PLSCR1: variants seen among roughly 807,000 people sequenced by gnomAD.
PLSCR1 encodes the protein PL scramblase 1.
A neutral mutation model predicts 37.8 loss-of-function variants in PLSCR1; 17 were observed. The ratio of observed to expected loss-of-function variants is 0.45; its 90% CI spans 0.31 to 0.68. The LOEUF is 0.68. PLSCR1 is among the 30% of genes least tolerant of loss of function. The pLI is 0.06. For missense variants in PLSCR1, 347 were observed against 380.9 expected (o/e 0.91, Z 0.74); for synonymous variants, 116 against 125.9 (o/e 0.92, Z 0.53).
intron 2 of PLSCR1, 148 bp from the exon 3 acceptor site, chr3:146,533,698 G>T (rs772553010): frequency 1.4e-5 from 6 of 433,716 alleles, no homozygotes; most frequent in Non-Finnish European, 2.0e-5. Flanking sequence ...AACGTAAGCT[G>T]TGCCTGTTCT....
intron 1 of PLSCR1, among the ~76,000 whole-genome samples, chr3:146,543,024 A>G (rs2738910): frequency 0.27 from 40,723 of 152,080 alleles, 5,659 homozygotes; most frequent in African/African-American, 0.31. Context: ...AAGAAAAGTC[A>G]GACTAGGAGA....
At chr3:146,544,268 A>T (rs2044375732) in intron 1 of PLSCR1, among the ~76,000 whole-genome samples, 199 bp downstream of exon 1, 1 of 152,112 alleles carries the variant, frequency 6.6e-6, no homozygotes, top group African/African-American at 2.4e-5. Context: ...GGTCCCTTTC[A>T]GAGGCCTCTT....
rs1280380631 is a variant in PLSCR1 at position 146,533,533 on chromosome 3, A to C, written c.31T>G (p.Ser11Ala). 1 of 1,604,956 alleles carries C rather than the reference A, an allele frequency of 6.2e-7. No homozygotes were observed. ...ACTGGCAAGTTTGTTTCCGGGTGAG[A>C]AGCATTCATCTGTGAGTCTGCAATT... MDKQNSQMNA[S>A]HPETNLPVGY... Residue 11 changes from serine (S) to alanine (A), a missense_variant, in exon 3 of 9, where the codon TCT (serine) becomes GCT (alanine). Physicochemically the swap from Ser to Ala is moderately conservative, Grantham distance 99. Transcript: ENST00000342435.
intron 5 of PLSCR1, among the ~76,000 whole-genome samples, chr3:146,524,004 A>G (rs1359152678): frequency 6.6e-6 from 1 of 152,204 alleles, no homozygotes; most frequent in Non-Finnish European, 1.5e-5. Context: ...GACGGCCTTC[A>G]CAAGTCTTAC....
intron 7 of PLSCR1, among the ~76,000 whole-genome samples, chr3:146,519,298 G>A (rs1028067257): frequency 6.6e-6 from 1 of 151,816 alleles, no homozygotes; most frequent in Middle Eastern, 3.2e-3. Flanking sequence ...TAGTTGAGAG[G>A]GCAGGAAAAA....
chr3:146,541,557 C>T (rs567046288), intron 1 of PLSCR1, among the ~76,000 whole-genome samples: 33 of 152,156 alleles, frequency 2.2e-4, no homozygotes, highest in African/African-American at 7.2e-4. Context: ...TTCTTTGCAC[C>T]GATGTCTCTA....
intron 5 of PLSCR1, among the ~76,000 whole-genome samples, chr3:146,522,996 CTATTATCCTAT>C (rs1454801571): frequency 1.3e-5 from 2 of 152,214 alleles, no homozygotes; most frequent in African/African-American, 4.8e-5. Flanking sequence ...CTTCTCCCCA[CTATTATCCTAT>C]TGTCCTGCCA....
intron 8 of PLSCR1, 64 bp from the exon 9 acceptor site, chr3:146,516,165 G>T: frequency 1.0e-6 from 1 of 954,148 alleles, no homozygotes; most frequent in Non-Finnish European, 1.7e-6. Context: ...ATTATCAGAT[G>T]CAGAAATACT....
chr3:146,517,840 C>G (rs2043967852), intron 7 of PLSCR1, among the ~76,000 whole-genome samples: 1 of 152,154 alleles, frequency 6.6e-6, no homozygotes, highest in Non-Finnish European at 1.5e-5. Flanking sequence ...CCAGGGCCAT[C>G]ATATAGGGTT....
chr3:146,522,907 A>G (rs1046430520), intron 5 of PLSCR1, among the ~76,000 whole-genome samples: 2 of 152,226 alleles, frequency 1.3e-5, no homozygotes, highest in African/African-American at 2.4e-5. Flanking sequence ...GTTTATGTAT[A>G]TGCACATCAA....
intron 5 of PLSCR1, among the ~76,000 whole-genome samples, chr3:146,523,131 T>C (rs1391432389): frequency 1.3e-5 from 2 of 152,242 alleles, no homozygotes; most frequent in African/African-American, 4.8e-5. Context: ...GGGCCCATTT[T>C]TCTTTCTCTA....
chr3:146,522,084 C>T lies in PLSCR1; in HGVS notation c.356-31G>A, dbSNP rs148327407. The stretch of plus-strand genomic sequence containing the variant: ...AACATAAAAGACGAAATCATAATCA[C>T]CTCTATGTTAAAAATATTGAATTTA... On this transcript the variant is annotated intron_variant, in intron 5 of 8. Transcript: ENST00000342435. 3,596 of 1,171,614 alleles carry T rather than the reference C, an allele frequency of 3.1e-3. 13 individuals are homozygous for T. The highest frequency in any genetic ancestry group is 5.5e-3 in the Admixed American group (319 of 58,418). 72.6% of individuals were successfully genotyped at this position (1,171,614 alleles called of 1,614,324 possible).
At chr3:146,536,596 G>A in intron 1 of PLSCR1, 31 bp from the exon 2 acceptor site, 1 of 1,374,416 alleles carries the variant, frequency 7.3e-7, no homozygotes, top group Non-Finnish European at 1.0e-6. Flanking sequence ...TTAACACACT[G>A]TCTACAAGGC....
chr3:146,536,526 A>G lies in PLSCR1; in HGVS notation c.13+14T>C. 7.8e-7 allele frequency: 1 copy of G among 1,279,412 alleles called. No homozygotes were observed. The highest frequency in any genetic ancestry group is 1.2e-5 in the South Asian group (1 of 84,084). 79.3% of individuals were successfully genotyped at this position (1,279,412 alleles called of 1,614,324 possible). On this transcript the variant is annotated intron_variant, in intron 2 of 8. Transcript: ENST00000342435. ...TATAAGGAGGAAAGTAAACATTTAAAATAAATTACTTACTTTGTTTGTCCA... is the reference window on the plus strand; with the variant it reads ...TATAAGGAGGAAAGTAAACATTTAAGATAAATTACTTACTTTGTTTGTCCA...
At chr3:146,522,803 A>C (rs61347756) in intron 5 of PLSCR1, among the ~76,000 whole-genome samples, 1 of 147,222 alleles carries the variant, frequency 6.8e-6, no homozygotes, top group Non-Finnish European at 1.5e-5. Context: ...GTAAAGCCCA[A>C]TTGTATATTC....
At chr3:146,543,983 G>T (rs1384654923) in intron 1 of PLSCR1, among the ~76,000 whole-genome samples, 1 of 152,122 alleles carries the variant, frequency 6.6e-6, no homozygotes, top group Non-Finnish European at 1.5e-5. Context: ...GGCTCCGGCG[G>T]ACTTCATTGA....
In PLSCR1 at chr3:146,525,592, A is replaced by G; in HGVS notation, c.355+13T>C. 7.2e-7 allele frequency: 1 copy of G among 1,386,130 alleles called. No homozygotes were observed. Among genetic ancestry groups the G allele is most frequent in the Non-Finnish European group, 1.0e-6 (1 of 978,744 alleles). 85.9% of individuals were successfully genotyped at this position (1,386,130 alleles called of 1,614,324 possible). A position where few individuals can be genotyped will look rare whatever the true frequency, so the allele number is the denominator to read the frequency against. On this transcript the variant is annotated intron_variant, in intron 5 of 8. Transcript: ENST00000342435. ...CTCTTTATAGAAACAGGATTAAAAC[A>G]ATGAATACATACCTTCCAGAAGTTC... is the stretch of plus-strand genomic sequence containing the variant.
intron 1 of PLSCR1, 81 bp from the exon 2 acceptor site, chr3:146,536,646 A>T: frequency 1.2e-6 from 1 of 811,004 alleles, no homozygotes; most frequent in South Asian, 1.4e-5. Context: ...ATACTCTAAA[A>T]CTACACAGTC....
intron 2 of PLSCR1, among the ~76,000 whole-genome samples, chr3:146,536,332 T>C (rs1229518711): frequency 6.6e-6 from 1 of 152,232 alleles, no homozygotes; most frequent in African/African-American, 2.4e-5. Flanking sequence ...GGCTTTCGTA[T>C]TTTTAATGAA....
Sources: gnomAD v4.1 joint callset for allele counts (sites outside exome capture counted in the v4.1 genomes callset) on GRCh38, gnomAD v4.1.1 for gene constraint, MANE v1.5 for transcripts, NCBI Gene and HGNC (gene_info 2026-07-23, HGNC 2026-07-21) for gene names.